TTC7B: variants seen among roughly 807,000 people sequenced by gnomAD.
TTC7B encodes the protein tetratricopeptide repeat domain 7B, also known as tetratricopeptide repeat protein 7B.
Under a neutral mutation model 106.8 loss-of-function variants are expected in TTC7B, and 28 were observed. The ratio of observed to expected loss-of-function variants is 0.26; its 90% CI spans 0.19 to 0.36. TTC7B has a LOEUF of 0.36. Ranked by LOEUF, TTC7B falls within the 10% of genes least tolerant of loss-of-function variation. The pLI, the probability that TTC7B is intolerant of heterozygous loss-of-function variation, is 1.00. For synonymous variants in TTC7B, 405 were observed against 430.6 expected (o/e 0.94, Z 0.74); for missense variants, 862 against 1,076.4 (o/e 0.80, Z 2.79).
chr14:90,727,088 A>G (rs942224955), intron 5 of TTC7B, among the ~76,000 whole-genome samples: 2 of 152,246 alleles, frequency 1.3e-5, no homozygotes, highest in Non-Finnish European at 2.9e-5. Context: ...GAAGAGGACG[A>G]GCCAGAAAGG....
intron 17 of TTC7B, chr14:90,603,419 C>A: frequency 1.6e-6 from 1 of 620,396 alleles, no homozygotes; most frequent in South Asian, 1.7e-5. Flanking sequence ...GTAAGTCTGG[C>A]TGTCTAGAAT....
At chr14:90,672,939 A>C (rs1886687723) in intron 9 of TTC7B, among the ~76,000 whole-genome samples, 1 of 152,212 alleles carries the variant, frequency 6.6e-6, no homozygotes, top group African/African-American at 2.4e-5. Context: ...TGAGATATAC[A>C]TGCACACAAT....
intron 19 of TTC7B, among the ~76,000 whole-genome samples, chr14:90,545,474 T>G (rs1223870080): frequency 6.6e-6 from 1 of 152,234 alleles, no homozygotes; most frequent in Non-Finnish European, 1.5e-5. Context: ...TATCTGCTCA[T>G]GGACTGGAGG....
chr14:90,775,710 A>G (rs903308242), intron 3 of TTC7B, among the ~76,000 whole-genome samples: 4 of 152,144 alleles, frequency 2.6e-5, no homozygotes, highest in African/African-American at 9.7e-5. Context: ...GACATAGGGC[A>G]AGTCCCTTCT....
intron 16 of TTC7B, among the ~76,000 whole-genome samples, chr14:90,611,862 C>T (rs1032614446): frequency 2.0e-5 from 3 of 152,296 alleles, no homozygotes; most frequent in African/African-American, 7.2e-5. Flanking sequence ...CCTATCAAAG[C>T]AGCTCCAAAA....
intron 1 of TTC7B, among the ~76,000 whole-genome samples, chr14:90,803,475 G>A (rs902238936): frequency 6.6e-6 from 1 of 152,148 alleles, no homozygotes; most frequent in African/African-American, 2.4e-5. Flanking sequence ...GCCAGAATTC[G>A]GACCTTCCCA....
intron 5 of TTC7B, among the ~76,000 whole-genome samples, chr14:90,717,121 C>T (rs1205483834): frequency 7.2e-5 from 11 of 152,138 alleles, no homozygotes; most frequent in African/African-American, 1.4e-4. Context: ...AGGCAGATCA[C>T]GAGGTCAGGT....
Position 90,654,973 on chromosome 14 carries a change from G to T in TTC7B, c.1459+20C>A, listed in dbSNP as rs758418127. 5 of 1,554,730 alleles carry T rather than the reference G, an allele frequency of 3.2e-6. No individual in the cohort carries two copies. Among genetic ancestry groups the T allele is most frequent in the East Asian group, 2.2e-5 (1 of 44,612 alleles). ...TCCAGCCCTGCAGCTCAGCAGCTGT[G>T]GGGGTGGGACGTCTCTCACCGTCAG... On this transcript the variant is annotated intron_variant, in intron 12 of 19. Transcript: ENST00000328459.
In TTC7B at chr14:90,537,210, G is replaced by A. The variant is rs1889437329; in HGVS notation, c.*4158C>T. 6.6e-6 allele frequency: 1 copy of A among 152,218 alleles called. No individual in the cohort carries two copies. The highest frequency in any genetic ancestry group is 2.4e-5 in the African/African-American group (1 of 41,446). The allele number at this position is 152,218 out of a possible 1,614,324, so 9.4% of individuals were successfully genotyped here. On this transcript the variant is annotated 3_prime_UTR_variant, in exon 20 of 20. Transcript: ENST00000328459. The stretch of plus-strand genomic sequence containing the variant: ...ATTTTTAATTTATTTTATTTGTAGA[G>A]ATAGGGTCTTGCTCTCTCATGCAGG...
Position 90,663,033 on chromosome 14 carries a change from A to G in TTC7B, c.1153-4646T>C, listed in dbSNP as rs1886269412. Among the ~76,000 whole-genome samples, 1 of 152,216 alleles carries G rather than the reference A, an allele frequency of 6.6e-6. No individual in the cohort carries two copies. Among genetic ancestry groups the G allele is most frequent in the African/African-American group, 2.4e-5 (1 of 41,462 alleles). ...ACTTTACAGAACTGGACCGGAATGTACGCTTATTCTTTATTACTTTAACAA... is the reference window on the plus strand; with the variant it reads ...ACTTTACAGAACTGGACCGGAATGTGCGCTTATTCTTTATTACTTTAACAA... On this transcript the variant is annotated intron_variant, in intron 9 of 19. Coordinates refer to ENST00000328459, the MANE Select transcript of TTC7B (RefSeq NM_001010854.2). The surrounding 1 kb of genome is among the most constrained non-coding windows in gnomAD (Gnocchi z 4.5).
At chr14:90,674,630 C>T (rs894791423) in intron 9 of TTC7B, among the ~76,000 whole-genome samples, 8 of 152,174 alleles carry the variant, frequency 5.3e-5, no homozygotes, top group Admixed American at 3.3e-4. Context: ...TTAATCAGAG[C>T]CCCTGGCACA....
At chr14:90,636,435 A>G (rs1884947098) in intron 15 of TTC7B, among the ~76,000 whole-genome samples, 1 of 151,182 alleles carries the variant, frequency 6.6e-6, no homozygotes, top group Non-Finnish European at 1.5e-5. Flanking sequence ...GGTAAAAAAA[A>G]AAAAAAAAAA....
intron 1 of TTC7B, among the ~76,000 whole-genome samples, chr14:90,806,068 A>G (rs573302028): frequency 1.3e-5 from 2 of 152,364 alleles, no homozygotes; most frequent in East Asian, 1.9e-4. Context: ...ATTCCGTTTC[A>G]TTGAATAATT....
chr14:90,620,264 T>C (rs1893256594), intron 15 of TTC7B, among the ~76,000 whole-genome samples: 1 of 152,092 alleles, frequency 6.6e-6, no homozygotes, highest in South Asian at 2.1e-4. Flanking sequence ...AGAATAGGGC[T>C]CAGCTTCTGC....
intron 19 of TTC7B, among the ~76,000 whole-genome samples, chr14:90,547,980 C>T (rs1002645826): frequency 6.6e-6 from 1 of 152,178 alleles, no homozygotes; most frequent in African/African-American, 2.4e-5. Flanking sequence ...AGTCCTGTGG[C>T]CCAGCTCTGG....
In TTC7B at chr14:90,646,931, G is replaced by A. The variant is rs369675652; in HGVS notation, c.1590+20C>T. 35 of 1,608,462 alleles carry A rather than the reference G, an allele frequency of 2.2e-5. No individual in the cohort carries two copies. In the Middle Eastern group the frequency reaches 6.6e-4, roughly 30 times the overall value. On this transcript the variant is annotated intron_variant, in intron 14 of 19. Transcript: ENST00000328459. The stretch of plus-strand genomic sequence containing the variant: ...AAGATACAGAGTGCAGCAAGTATAG[G>A]AAACATTAGAGAAACTGACCTGTCT...
chr14:90,698,835 G>A (rs866221536), intron 5 of TTC7B: 2 of 203,026 alleles, frequency 9.9e-6, no homozygotes, highest in Admixed American at 5.8e-5. Flanking sequence ...GCCCATTATG[G>A]AGAGCTCAGG....
intron 1 of TTC7B, among the ~76,000 whole-genome samples, chr14:90,800,052 T>G (rs1187529706): frequency 6.6e-6 from 1 of 152,082 alleles, no homozygotes; most frequent in East Asian, 1.9e-4. Flanking sequence ...CAGGATGGTC[T>G]CGATCTCCTG....
intron 5 of TTC7B, among the ~76,000 whole-genome samples, chr14:90,716,885 A>G (rs2139973629): frequency 6.6e-6 from 1 of 152,282 alleles, no homozygotes; most frequent in South Asian, 2.1e-4. Flanking sequence ...AGAAGACGCA[A>G]ATTATGCCAG....
Sources: allele counts gnomAD v4.1 joint callset (sites outside exome capture counted in the v4.1 genomes callset), GRCh38; gene constraint gnomAD v4.1.1; non-coding constraint Gnocchi (gnomAD v3.1); transcripts MANE v1.5; gene names NCBI Gene and HGNC (gene_info 2026-07-23, HGNC 2026-07-21).